The following SLIT3 variants were observed in gnomAD, a reference collection of about 807,000 sequenced individuals.
SLIT3 encodes slit homolog 3 protein.
A neutral mutation model predicts 184.0 loss-of-function variants in SLIT3; 68 were observed. The observed-to-expected ratio is 0.37, with a 90% CI of 0.30 to 0.45. SLIT3 has a LOEUF of 0.45. SLIT3 is among the 20% of genes least tolerant of loss of function. SLIT3 has a pLI of 1.00. For synonymous variants in SLIT3, 831 were observed against 828.6 expected (o/e 1.00, Z -0.05); for missense variants, 1,707 against 2,026.0 (o/e 0.84, Z 3.02).
At chr5:168,903,983 T>G (rs147783717) in intron 4 of SLIT3, among the ~76,000 whole-genome samples, 225 of 152,096 alleles carry the variant, frequency 1.5e-3, no homozygotes, top group African/African-American at 4.7e-3. Flanking sequence ...TTAGAGCACT[T>G]TGATGTATTT....
At chr5:169,079,994 T>C (rs959321287) in intron 4 of SLIT3, among the ~76,000 whole-genome samples, 1 of 151,436 alleles carries the variant, frequency 6.6e-6, no homozygotes, top group Non-Finnish European at 1.5e-5. Flanking sequence ...CTTGTTAAAA[T>C]TGGTAAGAAA....
At chr5:168,947,123 A>T (rs550184912) in intron 4 of SLIT3, among the ~76,000 whole-genome samples, 272 of 151,820 alleles carry the variant, frequency 1.8e-3, no homozygotes, top group African/African-American at 6.2e-3. Flanking sequence ...ACACTGCACA[A>T]AAGGAATTAG....
chr5:169,172,374 A>G (rs1762845080), intron 4 of SLIT3, among the ~76,000 whole-genome samples: 4 of 152,222 alleles, frequency 2.6e-5, no homozygotes. Context: ...CAGTCCTATA[A>G]AGCTCAAGTC....
intron 6 of SLIT3, among the ~76,000 whole-genome samples, chr5:168,838,822 G>A (rs1366359492): frequency 6.6e-6 from 1 of 152,102 alleles, no homozygotes; most frequent in Non-Finnish European, 1.5e-5. Flanking sequence ...AACCCACCAG[G>A]ATATGACTGA....
chr5:169,105,819 G>A (rs185894006), intron 4 of SLIT3, among the ~76,000 whole-genome samples: 10 of 152,206 alleles, frequency 6.6e-5, no homozygotes, highest in East Asian at 1.9e-4. Flanking sequence ...AGTATTCCAC[G>A]GTGTATATGT....
intron 4 of SLIT3, among the ~76,000 whole-genome samples, chr5:169,054,938 T>A (rs975531794): frequency 1.3e-5 from 2 of 152,122 alleles, no homozygotes; most frequent in African/African-American, 2.4e-5. Flanking sequence ...TGAACAGGTA[T>A]CATGGACTTT....
chr5:168,719,584 G>A (rs1762872271), intron 23 of SLIT3, among the ~76,000 whole-genome samples: 1 of 152,070 alleles, frequency 6.6e-6, no homozygotes, highest in African/African-American at 2.4e-5. Context: ...TTTAATAATT[G>A]TACTTCATTG....
chr5:169,179,028 T>A (rs1020159181), intron 4 of SLIT3, among the ~76,000 whole-genome samples: 1 of 152,156 alleles, frequency 6.6e-6, no homozygotes, highest in Non-Finnish European at 1.5e-5. Context: ...GAACAAACAG[T>A]AGGTTGGTGG....
At chr5:168,984,949 A>G (rs1334846639) in intron 4 of SLIT3, among the ~76,000 whole-genome samples, 1 of 152,192 alleles carries the variant, frequency 6.6e-6, no homozygotes, top group Non-Finnish European at 1.5e-5. Flanking sequence ...ATAATAATAA[A>G]CTTTGAGAAG....
At chr5:168,710,608 GAA>G (rs112134323) in intron 25 of SLIT3, among the ~76,000 whole-genome samples, 2 of 138,890 alleles carry the variant, frequency 1.4e-5, no homozygotes, top group Non-Finnish European at 1.6e-5. Flanking sequence ...TACAAAAGAT[GAA>G]AAAAAAAAAA....
intron 4 of SLIT3, among the ~76,000 whole-genome samples, chr5:168,999,350 T>G (rs750855270): frequency 2.6e-5 from 4 of 151,712 alleles, no homozygotes; most frequent in Non-Finnish European, 5.9e-5. Flanking sequence ...CTGCTGGCTT[T>G]ACCTCTCTTA....
At chr5:169,207,027 T>C (rs114732143) in intron 3 of SLIT3, among the ~76,000 whole-genome samples, 2,969 of 150,718 alleles carry the variant, frequency 0.02, 42 homozygotes, top group Non-Finnish European at 0.029. Context: ...TTCGATCTGA[T>C]TGAATCTTTT....
rs1045446292 is a variant in SLIT3 at position 169,087,443 on chromosome 5, T to C, written c.413+106036A>G. Among the ~76,000 whole-genome samples the C allele has an allele frequency of 2.0e-5, 3 of 152,324 alleles. No homozygotes were observed. The East Asian group carries it at 5.8e-4, about 29-fold the overall frequency. ...AGGGATGTGAGGCAGTGCTTTCTCC[T>C]GTTGCTTCAAGAGAAAAGTGAGGTC... On this transcript the variant is annotated intron_variant, in intron 4 of 35. Transcript: ENST00000519560.
intron 4 of SLIT3, among the ~76,000 whole-genome samples, chr5:168,910,486 G>A (rs1407755580): frequency 2.0e-5 from 3 of 152,164 alleles, no homozygotes; most frequent in South Asian, 2.1e-4. Flanking sequence ...GCTCACGCCT[G>A]TAATCTCAGC....
At position 168,897,644 on chromosome 5, in the gene SLIT3, A is replaced by ACGCGCGCGCGCGCGCG. The variant is rs59784827; in HGVS notation, c.414-14309_414-14308insCGCGCGCGCGCGCGCG. Among the ~76,000 whole-genome samples, 5 of 124,120 alleles carry ACGCGCGCGCGCGCGCG rather than the reference A, an allele frequency of 4.0e-5. 1 individual carries two copies. Among genetic ancestry groups the ACGCGCGCGCGCGCGCG allele is most frequent in the Admixed American group, 1.6e-4 (2 of 12,336 alleles). The allele number at this position is 124,120 out of a possible 152,430, so 81.4% of individuals were successfully genotyped here. On this transcript the variant is annotated intron_variant, in intron 4 of 35. Transcript: ENST00000519560. ...AGAGAAAGAGGATGGAGACAGGTGCACGTACACACACACACACACACACAC... is the reference window on the plus strand; with the variant it reads ...AGAGAAAGAGGATGGAGACAGGTGCACGCGCGCGCGCGCGCGCGTACACACACACACACACACACAC...
At chr5:169,200,311 C>T (rs1241033479) in intron 3 of SLIT3, among the ~76,000 whole-genome samples, 3 of 152,236 alleles carry the variant, frequency 2.0e-5, no homozygotes, top group African/African-American at 7.2e-5. Context: ...TACAGGTCAC[C>T]AGGACTGCTT....
At chr5:168,913,570 C>T (rs1368250070) in intron 4 of SLIT3, among the ~76,000 whole-genome samples, 1 of 151,984 alleles carries the variant, frequency 6.6e-6, no homozygotes, top group African/African-American at 2.4e-5. Context: ...GAGTTCGAGA[C>T]CAGCCTGGCC....
chr5:168,804,072 C>G (rs750470911), intron 9 of SLIT3, among the ~76,000 whole-genome samples: 52 of 151,448 alleles, frequency 3.4e-4, no homozygotes, highest in Non-Finnish European at 4.0e-4. Context: ...TTTAGGAGGC[C>G]GAGGCGGGTG....
chr5:168,948,100 TTTA>T (rs75824311), intron 4 of SLIT3, among the ~76,000 whole-genome samples: 5,890 of 152,124 alleles, frequency 0.039, 156 homozygotes, highest in Middle Eastern at 0.061. Flanking sequence ...CCAAGTTGTT[TTTA>T]TTATTATCCT....
Sources: gnomAD v4.1 joint callset for allele counts (sites outside exome capture counted in the v4.1 genomes callset) on GRCh38, gnomAD v4.1.1 for gene constraint, MANE v1.5 for transcripts, NCBI Gene and HGNC (gene_info 2026-07-23, HGNC 2026-07-21) for gene names.